The following INPP4A variants were observed in gnomAD, a reference collection of about 807,000 sequenced individuals.
INPP4A encodes inositol polyphosphate-4-phosphatase, type I, 107kD.
INPP4A carries 33 observed loss-of-function variants against 119.8 expected under a neutral mutation model. That is an observed-to-expected ratio of 0.28 (90% CI 0.21 to 0.37). The LOEUF (loss-of-function observed/expected upper bound fraction) is 0.37, where lower values mean the gene tolerates loss of function less well. Ranked by LOEUF, INPP4A falls within the 10% of genes least tolerant of loss-of-function variation. INPP4A has a pLI of 1.00. For synonymous variants in INPP4A, 496 were observed against 500.7 expected, an observed-to-expected ratio of 0.99 and a Z score of 0.12; for missense variants, 956 against 1,289.9, an observed-to-expected ratio of 0.74 and a Z score of 3.97.
intron 1 of INPP4A, among the ~76,000 whole-genome samples, chr2:98,451,482 G>A (rs907958268): frequency 1.3e-5 from 2 of 152,076 alleles, no homozygotes; most frequent in African/African-American, 4.8e-5. Flanking sequence ...TGCCAGCTCC[G>A]GTCCTGGGAT....
At chr2:98,541,346 A>C (rs1691416537) in intron 10 of INPP4A, among the ~76,000 whole-genome samples, 1 of 152,012 alleles carries the variant, frequency 6.6e-6, no homozygotes, top group East Asian at 1.9e-4. Flanking sequence ...AAAAAAATGC[A>C]AGAAGAATGC....
chr2:98,580,618 C>T (rs1027761236), intron 24 of INPP4A, among the ~76,000 whole-genome samples: 2 of 152,350 alleles, frequency 1.3e-5, no homozygotes, highest in Admixed American at 1.3e-4. Context: ...GAATTGTGCC[C>T]TCTCAGAATG....
chr2:98,478,814 C>T lies in INPP4A; in HGVS notation c.-166+33729C>T, dbSNP rs367669880. 1.2e-4 allele frequency among the ~76,000 whole-genome samples: 19 copies of T among 152,128 alleles called. 1 individual carries two copies. The highest frequency in any genetic ancestry group is 2.1e-4 in the South Asian group (1 of 4,824). On this transcript the variant is annotated intron_variant, in intron 1 of 24. Coordinates refer to ENST00000409851, the MANE Select transcript of INPP4A (RefSeq NM_001134225.2). ...GTTCTAGCTGAGCATGAATGCAGCC[C>T]GCACCCATGACTTTCTGTGGTGGTG...
At chr2:98,556,811 C>T (rs1490053877) in intron 16 of INPP4A, among the ~76,000 whole-genome samples, 2 of 152,196 alleles carry the variant, frequency 1.3e-5, no homozygotes, top group Non-Finnish European at 2.9e-5. Flanking sequence ...AGTCTGTTTC[C>T]AGGGCACTGT....
chr2:98,585,947 T>C (rs556238239), intron 24 of INPP4A, among the ~76,000 whole-genome samples: 1 of 152,374 alleles, frequency 6.6e-6, no homozygotes, highest in Non-Finnish European at 1.5e-5. Flanking sequence ...GGAGAAGCCA[T>C]ATCTGAAGTA....
intron 24 of INPP4A, 55 bp downstream of exon 24, chr2:98,577,198 A>C (rs1698568700): frequency 2.0e-6 from 3 of 1,507,032 alleles, no homozygotes; most frequent in Non-Finnish European, 2.7e-6. Flanking sequence ...TGTAAACTGC[A>C]GATGAGCTGG....
intron 1 of INPP4A, among the ~76,000 whole-genome samples, chr2:98,505,272 G>C (rs934475456): frequency 2.6e-5 from 4 of 152,206 alleles, no homozygotes; most frequent in Non-Finnish European, 1.5e-5. Context: ...CTTCTTCCAA[G>C]GGTGCACTTT....
At chr2:98,513,012 T>C (rs957494851) in intron 1 of INPP4A, among the ~76,000 whole-genome samples, 2 of 152,226 alleles carry the variant, frequency 1.3e-5, no homozygotes, top group African/African-American at 4.8e-5. Flanking sequence ...AGATCTTTCC[T>C]AAGCAGATGG....
intron 13 of INPP4A, among the ~76,000 whole-genome samples, chr2:98,550,516 C>G (rs376948434): frequency 4.8e-4 from 73 of 152,336 alleles, no homozygotes; most frequent in African/African-American, 1.6e-3. Flanking sequence ...GACCCCAGCT[C>G]TGGGTAGGTC....
intron 1 of INPP4A, among the ~76,000 whole-genome samples, chr2:98,517,218 C>T (rs548178658): frequency 5.3e-5 from 8 of 152,174 alleles, no homozygotes; most frequent in Non-Finnish European, 1.0e-4. Flanking sequence ...TTCCCCTTGA[C>T]GTTGTTTCTG....
At chr2:98,573,076 A>G in intron 23 of INPP4A, 149 bp downstream of exon 23, 2 of 643,592 alleles carry the variant, frequency 3.1e-6, no homozygotes, top group Non-Finnish European at 5.5e-6. Context: ...TGAAGCTCTG[A>G]AAGAGACTGA....
intron 1 of INPP4A, among the ~76,000 whole-genome samples, chr2:98,460,498 T>A (rs1696962621): frequency 6.6e-6 from 1 of 152,246 alleles, no homozygotes; most frequent in Admixed American, 6.5e-5. Context: ...CAGACTTTTT[T>A]AAGACTCTTT....
chr2:98,543,842 G>A (rs1195382614), intron 10 of INPP4A, 35 bp from the exon 11 acceptor site: 1 of 1,611,560 alleles, frequency 6.2e-7, no homozygotes. Context: ...AAACCAGTTA[G>A]CCCACAGCCT....
intron 1 of INPP4A, among the ~76,000 whole-genome samples, chr2:98,463,134 G>A (rs1462238016): frequency 6.6e-6 from 1 of 152,130 alleles, no homozygotes; most frequent in African/African-American, 2.4e-5. Context: ...GAGCCACCGC[G>A]CCCAGCCCAC....
Position 98,546,481 on chromosome 2 carries a change from A to C in INPP4A, c.1055-105A>C. On this transcript the variant is annotated intron_variant, in intron 12 of 24. Transcript: ENST00000409851. The surrounding 1 kb of genome is among the most constrained non-coding windows in gnomAD (Gnocchi z 4.2). ...TCAGGGGAACCAAAGGCTGTACAGCAGTGGGCTGGAGGGTCAGGACCCCAG... is the reference window on the plus strand; with the variant it reads ...TCAGGGGAACCAAAGGCTGTACAGCCGTGGGCTGGAGGGTCAGGACCCCAG... The C allele has an allele frequency of 8.2e-6, 6 of 732,356 alleles. No individual in the cohort carries two copies. The highest frequency in any genetic ancestry group is 1.4e-5 in the Non-Finnish European group (6 of 430,730). The allele number at this position is 732,356 out of a possible 1,614,324, so 45.4% of individuals were successfully genotyped here.
intron 1 of INPP4A, among the ~76,000 whole-genome samples, chr2:98,479,267 C>T (rs977791798): frequency 6.6e-5 from 10 of 152,250 alleles, no homozygotes; most frequent in Admixed American, 6.5e-4. Flanking sequence ...CATTTGGCTG[C>T]AGTGGTGCTG....
chr2:98,571,317 C>T (rs192729278), intron 22 of INPP4A, among the ~76,000 whole-genome samples: 161 of 152,332 alleles, frequency 1.1e-3, no homozygotes, highest in Middle Eastern at 6.8e-3. Flanking sequence ...TGGGCCAAGC[C>T]CAGGCAGCAT....
intron 1 of INPP4A, among the ~76,000 whole-genome samples, chr2:98,448,249 G>A (rs1392425836): frequency 2.7e-5 from 4 of 150,740 alleles, no homozygotes; most frequent in African/African-American, 9.8e-5. Context: ...CGAGCTACTT[G>A]GGAGGCTAAG....
rs757522148 is a variant in INPP4A, at chr2:98,520,041, A to G, written c.-8A>G. Reference sequence around the variant, plus strand: ...AGGATCAAGAAGCACATCATCACCAATGACATCATGACAGCAAGAGAGCAC... The same window carrying G: ...AGGATCAAGAAGCACATCATCACCAGTGACATCATGACAGCAAGAGAGCAC... On this transcript the variant is annotated 5_prime_UTR_variant, in exon 3 of 25. An upstream start codon of the reference 5' UTR is lost. Transcript: ENST00000409851. The G allele has an allele frequency of 2.0e-5, 31 of 1,571,946 alleles. No homozygotes were observed. Among genetic ancestry groups the G allele is most frequent in the Middle Eastern group, 1.7e-4 (1 of 6,038 alleles).
Sources: allele counts gnomAD v4.1 joint callset (sites outside exome capture counted in the v4.1 genomes callset), GRCh38; gene constraint gnomAD v4.1.1; non-coding constraint Gnocchi (gnomAD v3.1); transcripts MANE v1.5; gene names NCBI Gene and HGNC (gene_info 2026-07-23, HGNC 2026-07-21).